The following ARID1B variants were observed in gnomAD, a reference collection of about 807,000 sequenced individuals.
ARID1B encodes AT-rich interaction domain 1B.
A neutral mutation model predicts 212.3 loss-of-function variants in ARID1B; 30 were observed. The ratio of observed to expected loss-of-function variants is 0.14; its 90% CI spans 0.11 to 0.19. The LOEUF is 0.19. Ranked by LOEUF, ARID1B falls within the 10% of genes least tolerant of loss-of-function variation. The pLI is 1.00. For missense variants in ARID1B, 2,891 were observed against 3,204.0 expected, an observed-to-expected ratio of 0.90 and a Z score of 2.36; for synonymous variants, 1,402 against 1,301.7, an observed-to-expected ratio of 1.08 and a Z score of -1.66.
chr6:156,967,764 A>G (rs1057336887), intron 4 of ARID1B, among the ~76,000 whole-genome samples: 2 of 152,212 alleles, frequency 1.3e-5, no homozygotes, highest in African/African-American at 4.8e-5. Context: ...ATTATTTTTT[A>G]TAACGTAGAC....
intron 6 of ARID1B, among the ~76,000 whole-genome samples, chr6:157,112,180 G>C (rs974112358): frequency 3.3e-5 from 5 of 152,170 alleles, no homozygotes; most frequent in African/African-American, 1.2e-4. Context: ...TAATAATTGT[G>C]TGAATATGTG....
intron 19 of ARID1B, chr6:157,205,068 T>C (rs535462299): frequency 1.3e-5 from 2 of 152,242 alleles, no homozygotes; most frequent in African/African-American, 4.8e-5. Flanking sequence ...TTCATCCTTA[T>C]GTTAGGTGAA....
intron 4 of ARID1B, chr6:157,072,375 A>G (rs1784050542): frequency 6.6e-6 from 1 of 152,180 alleles, no homozygotes; most frequent in Non-Finnish European, 1.5e-5. Flanking sequence ...AAATCTGATC[A>G]CCTCAAATAA....
Position 156,778,160 on chromosome 6 carries a change from C to CGCGCCGCCCCACCAGCA in ARID1B, c.483_499dup (p.His167ArgfsTer33). ...TGAAAACCGTTGGCGAAGCCCCCGC[C>CGCGCCGCCCCACCAGCA]GCGCCGCCCCACCAGCAGCACCACC... On this transcript the variant is annotated frameshift_variant, in exon 1 of 20. Transcript: ENST00000636930. LOFTEE classifies it high-confidence loss of function. The CGCGCCGCCCCACCAGCA allele has an allele frequency of 6.5e-7, 1 of 1,542,236 alleles. No individual in the cohort carries two copies. Among genetic ancestry groups the CGCGCCGCCCCACCAGCA allele is most frequent in the Non-Finnish European group, 8.7e-7 (1 of 1,146,740 alleles).
rs1042535132 is a variant in ARID1B, at chr6:156,911,390, C to A, written c.2136+9865C>A. Reference sequence around the variant, plus strand: ...GTTTTTAAATATACCCAAACTTTGGCACTTTTGAAAGTAGTGTCGGCTGTG... The same window carrying A: ...GTTTTTAAATATACCCAAACTTTGGAACTTTTGAAAGTAGTGTCGGCTGTG... On this transcript the variant is annotated intron_variant, in intron 3 of 19. Coordinates refer to ENST00000636930, the MANE Select transcript of ARID1B (RefSeq NM_001374828.1). Among the ~76,000 whole-genome samples, 43 of 129,698 alleles carry A rather than the reference C, an allele frequency of 3.3e-4. 1 individual carries two copies. Among genetic ancestry groups the A allele is most frequent in the Non-Finnish European group, 5.2e-4 (33 of 63,576 alleles). The allele number at this position is 129,698 out of a possible 152,430, so 85.1% of individuals were successfully genotyped here.
intron 4 of ARID1B, among the ~76,000 whole-genome samples, chr6:156,963,399 A>G (rs896540356): frequency 6.6e-6 from 1 of 152,226 alleles, no homozygotes; most frequent in African/African-American, 2.4e-5. Flanking sequence ...TTTTAGAAGA[A>G]CAGTCGTATT....
rs866934019 is a variant in ARID1B, at chr6:157,078,209, G to A, written c.2248-6453G>A. ...TTTCTCACGTAAGAAAATATGCATA[G>A]TATCTGGAGCACTTAGACGGCCCTT... On this transcript the variant is annotated intron_variant, in intron 4 of 19. Coordinates refer to ENST00000636930, the MANE Select transcript of ARID1B (RefSeq NM_001374828.1). Among the ~76,000 whole-genome samples the A allele has an allele frequency of 1.2e-4, 19 of 152,258 alleles. No homozygotes were observed. In the Middle Eastern group the frequency reaches 0.017, roughly 136 times the overall value.
At chr6:156,952,144 G>A (rs1793634827) in intron 4 of ARID1B, among the ~76,000 whole-genome samples, 1 of 152,088 alleles carries the variant, frequency 6.6e-6, no homozygotes, top group Non-Finnish European at 1.5e-5. Flanking sequence ...TTATACATGT[G>A]TTTTTCTTTG....
intron 2 of ARID1B, among the ~76,000 whole-genome samples, chr6:156,854,125 C>T (rs781074857): frequency 6.6e-6 from 1 of 152,046 alleles, no homozygotes; most frequent in Non-Finnish European, 1.5e-5. Context: ...TTGGTGAGAA[C>T]GTTATGAATG....
At chr6:156,839,067 G>A (rs1308767087) in intron 2 of ARID1B, among the ~76,000 whole-genome samples, 1 of 152,062 alleles carries the variant, frequency 6.6e-6, no homozygotes, top group Non-Finnish European at 1.5e-5. Flanking sequence ...CTACTTGTGG[G>A]TCCTGTGCCA....
At chr6:157,050,583 G>T (rs1562578389) in intron 4 of ARID1B, among the ~76,000 whole-genome samples, 1 of 152,060 alleles carries the variant, frequency 6.6e-6, no homozygotes, top group Non-Finnish European at 1.5e-5. Flanking sequence ...GAATAATTTG[G>T]GAAGAAGAAA....
chr6:156,848,551 T>G (rs1038964077), intron 2 of ARID1B, among the ~76,000 whole-genome samples: 3 of 152,240 alleles, frequency 2.0e-5, no homozygotes, highest in Non-Finnish European at 4.4e-5. Context: ...GAACACCCAT[T>G]AGTAATTAGG....
chr6:157,021,603 A>C (rs965986519), intron 4 of ARID1B, among the ~76,000 whole-genome samples: 1 of 151,820 alleles, frequency 6.6e-6, no homozygotes, highest in African/African-American at 2.4e-5. Context: ...ACAGGCTCGG[A>C]CTCCTCCGAC....
intron 9 of ARID1B, among the ~76,000 whole-genome samples, chr6:157,170,904 A>G (rs2128298170): frequency 6.6e-6 from 1 of 152,358 alleles, no homozygotes; most frequent in South Asian, 2.1e-4. Context: ...ATAGTCATGA[A>G]CATCCGCGGA....
intron 2 of ARID1B, among the ~76,000 whole-genome samples, chr6:156,847,474 C>T (rs1784309451): frequency 6.6e-6 from 1 of 152,142 alleles, no homozygotes; most frequent in South Asian, 2.1e-4. Flanking sequence ...GCCGGCCAGG[C>T]TCTCCCACCA....
rs1309483718 is a variant in ARID1B, at chr6:156,779,300, G to T, written c.1620G>T (p.Ala540=). The change falls in exon 1 of 20, where the codon GCG becomes GCT. Residue 540 remains alanine, a synonymous_variant. Transcript: ENST00000636930. ...PPPPSQPQSQ[A]AAAGAAAGGQ... ...CGCCGTCGCAGCCCCAGTCCCAGGC[G>T]GCGGCGGCGGGGGCGGCGGCGGGCG... 1.8e-5 allele frequency: 20 copies of T among 1,136,070 alleles called. No individual in the cohort carries two copies. In the African/African-American group the frequency reaches 2.9e-4, roughly 16 times the overall value. 70.4% of individuals were successfully genotyped at this position (1,136,070 alleles called of 1,614,324 possible). A position where few individuals can be genotyped will look rare whatever the true frequency, so the allele number is the denominator to read the frequency against.
At chr6:156,936,972 T>C (rs549026528) in intron 4 of ARID1B, 48 of 152,328 alleles carry the variant, frequency 3.2e-4, no homozygotes, top group African/African-American at 1.1e-3. Flanking sequence ...CTACTGTCTT[T>C]GAATCTGATG....
intron 2 of ARID1B, among the ~76,000 whole-genome samples, chr6:156,852,161 T>A (rs1784619272): frequency 6.6e-6 from 1 of 151,908 alleles, no homozygotes; most frequent in Non-Finnish European, 1.5e-5. Flanking sequence ...AAAAAAAAAA[T>A]TTGAGGCCGG....
intron 1 of ARID1B, among the ~76,000 whole-genome samples, chr6:156,812,675 C>T (rs919937745): frequency 6.6e-6 from 1 of 151,946 alleles, no homozygotes; most frequent in Non-Finnish European, 1.5e-5. Flanking sequence ...TCATCTAAAT[C>T]TTTGTTTCTC....
Sources: gnomAD v4.1 joint callset for allele counts (sites outside exome capture counted in the v4.1 genomes callset) on GRCh38, gnomAD v4.1.1 for gene constraint, MANE v1.5 for transcripts, NCBI Gene and HGNC (gene_info 2026-07-23, HGNC 2026-07-21) for gene names.